Variants in OPA1 observed in about 807,000 individuals in gnomAD.
The protein encoded by OPA1 is dynamin-like GTPase OPA1, mitochondrial.
In OPA1, 59 loss-of-function variants were observed where a neutral mutation model predicts 152.9. The ratio of observed to expected loss-of-function variants is 0.39; its 90% CI spans 0.31 to 0.48. The LOEUF (loss-of-function observed/expected upper bound fraction) is 0.48. OPA1 is among the 20% of genes least tolerant of loss of function. The pLI, the probability that OPA1 is intolerant of heterozygous loss-of-function variation, is 0.96. For synonymous variants in OPA1, 400 were observed against 389.9 expected, an observed-to-expected ratio of 1.03 and a Z score of -0.31; for missense variants, 1,008 against 1,216.8, an observed-to-expected ratio of 0.83 and a Z score of 2.55.
chr3:193,648,657 T>A, intron 20 of OPA1, 138 bp from the exon 21 acceptor site: 1 of 634,048 alleles, frequency 1.6e-6, no homozygotes, highest in South Asian at 1.8e-5. Context: ...ACACTAGAAG[T>A]GCATTTTTGC....
intron 13 of OPA1, 115 bp downstream of exon 13, chr3:193,643,164 CT>C: frequency 1.1e-6 from 1 of 950,788 alleles, no homozygotes; most frequent in Non-Finnish European, 1.6e-6. Context: ...ATATGTAGAG[CT>C]TTTAAAAAAA....
Position 193,626,155 on chromosome 3 carries a change from A to G in OPA1, c.742A>G (p.Arg248Gly). Reference sequence around the variant, plus strand: ...TCAAGAGCATGAAGAGGAAGCGCGCAGAGCCGCTGGCCAATATAGCACGAG... The same window carrying G: ...TCAAGAGCATGAAGAGGAAGCGCGCGGAGCCGCTGGCCAATATAGCACGAG... Reference protein sequence around the residue: ...QIQEHEEEARRAAGQYSTSYA... With the variant: ...QIQEHEEEARGAAGQYSTSYA... The change falls in exon 7 of 31, where the codon AGA becomes GGA. Residue 248 changes from arginine (R) to glycine (G), a missense_variant. Around this residue, in one of 7 missense-constraint regions of OPA1, gnomAD observed 408 missense variants for 395.1 expected, o/e 1.03. Coordinates refer to ENST00000361510, the MANE Select transcript of OPA1 (RefSeq NM_130837.3). 2 of 1,614,170 alleles carry G rather than the reference A, an allele frequency of 1.2e-6. No homozygotes were observed. Among genetic ancestry groups the G allele is most frequent in the Non-Finnish European group, 1.7e-6 (2 of 1,179,990 alleles).
In OPA1 at chr3:193,654,957, C is replaced by G. The variant is rs755177892; in HGVS notation, c.2108C>G (p.Thr703Ser). Residue 703 changes from threonine (T) to serine (S), a missense_variant, in exon 22 of 31, where the codon ACT becomes AGT. By Grantham distance (58) the Thr-to-Ser change is moderately conservative. Transcript: ENST00000361510. The part of the protein sequence containing the change: ...LPAAQTMNSG[T>S]FNTTVDIKLK... Reference sequence around the variant, plus strand: ...GCTGCGCAGACCATGAATTCAGGAACTTTTAACACCACAGTGGATATCAAG... The same window carrying G: ...GCTGCGCAGACCATGAATTCAGGAAGTTTTAACACCACAGTGGATATCAAG... 1 of 1,613,818 alleles carries G rather than the reference C, an allele frequency of 6.2e-7. No homozygotes were observed. Among genetic ancestry groups the G allele is most frequent in the African/African-American group, 1.3e-5 (1 of 74,914 alleles).
chr3:193,682,484 C>T (rs1720309993), intron 29 of OPA1, among the ~76,000 whole-genome samples: 1 of 152,108 alleles, frequency 6.6e-6, no homozygotes, highest in Non-Finnish European at 1.5e-5. Flanking sequence ...GAAGACGATG[C>T]CATCTAGTAA....
rs1355003280 is a variant in OPA1 at position 193,659,120 on chromosome 3, A to C, written c.2440+125A>C. ...TCTTTGTCATTAATACTATAGTCGA[A>C]TATTATTTGTGGAATTTTTTTAGTC... On this transcript the variant is annotated intron_variant, in intron 24 of 30. Transcript: ENST00000361510. 4 of 758,860 alleles carry C rather than the reference A, an allele frequency of 5.3e-6. No homozygotes were observed. The South Asian group carries it at 6.2e-5, about 12-fold the overall frequency. 47.0% of individuals were successfully genotyped at this position (758,860 alleles called of 1,614,324 possible). A position where few individuals can be genotyped will look rare whatever the true frequency, so the allele number is the denominator to read the frequency against.
In OPA1 at chr3:193,598,075, C is replaced by A. The variant is rs147186385; in HGVS notation, c.32+4666C>A. On this transcript the variant is annotated intron_variant, in intron 1 of 30. Transcript: ENST00000361510. The stretch of plus-strand genomic sequence containing the variant: ...CACGTTGGGCAACAGAGCAAGACTT[C>A]GTCTCAAAAATAAATAAATACCCTG... Among the ~76,000 whole-genome samples, 692 of 152,130 alleles carry A rather than the reference C, an allele frequency of 4.5e-3. 3 individuals are homozygous for A. The highest frequency in any genetic ancestry group is 0.016 in the African/African-American group (662 of 41,518).
chr3:193,598,381 A>G (rs943126530), intron 1 of OPA1, among the ~76,000 whole-genome samples: 6 of 152,210 alleles, frequency 3.9e-5, no homozygotes, highest in African/African-American at 1.4e-4. Flanking sequence ...GGAGATTAGA[A>G]GAGCTCTTCT....
At chr3:193,657,373 G>T in intron 23 of OPA1, 141 bp downstream of exon 23, 1 of 801,662 alleles carries the variant, frequency 1.2e-6, no homozygotes, top group South Asian at 1.7e-5. Flanking sequence ...TTTATGATCT[G>T]TAATCTGCCC....
chr3:193,634,233 A>G (rs1202766887), intron 8 of OPA1, among the ~76,000 whole-genome samples: 2 of 151,954 alleles, frequency 1.3e-5, no homozygotes, highest in Non-Finnish European at 2.9e-5. Context: ...CAAATTAGAA[A>G]GGATCAAATT....
chr3:193,693,537 G>T (rs144024325), intron 30 of OPA1, among the ~76,000 whole-genome samples: 1 of 152,140 alleles, frequency 6.6e-6, no homozygotes, highest in African/African-American at 2.4e-5. Flanking sequence ...CTACTCGGGA[G>T]CCTGAGTCAG....
At chr3:193,641,620 T>A (rs1234641641) in intron 11 of OPA1, among the ~76,000 whole-genome samples, 1 of 152,240 alleles carries the variant, frequency 6.6e-6, no homozygotes, top group African/African-American at 2.4e-5. Context: ...TGCCCTGTGC[T>A]ACAAATCAGC....
In OPA1 at chr3:193,677,291, C is replaced by CTTTTTTTTTTTTTTTTTTTTTTTTTT. The variant is rs752472474; in HGVS notation, c.2983+10029_2983+10030insTTTTTTTTTTTTTTTTTTTTTTTTTT. On this transcript the variant is annotated intron_variant, in intron 29 of 30. Transcript: ENST00000361510. ...TGCACAATTTTTTTTTCTTTTACTT[C>CTTTTTTTTTTTTTTTTTTTTTTTTTT]TTTTTTTTTTTTTTTTTTCTTTAGA... is the stretch of plus-strand genomic sequence containing the variant. Among the ~76,000 whole-genome samples the CTTTTTTTTTTTTTTTTTTTTTTTTTT allele has an allele frequency of 1.6e-5, 2 of 125,450 alleles. 1 individual carries two copies. Among genetic ancestry groups the CTTTTTTTTTTTTTTTTTTTTTTTTTT allele is most frequent in the Non-Finnish European group, 3.3e-5 (2 of 60,492 alleles). The allele number at this position is 125,450 out of a possible 152,430, so 82.3% of individuals were successfully genotyped here.
chr3:193,615,823 A>G (rs1436992762), intron 3 of OPA1, 53 bp downstream of exon 3: 1 of 1,005,516 alleles, frequency 9.9e-7, no homozygotes, highest in Admixed American at 1.7e-5. Flanking sequence ...AGGAAAGAGA[A>G]ATAGTTTATT....
At chr3:193,675,472 C>T (rs1290734889) in intron 29 of OPA1, among the ~76,000 whole-genome samples, 1 of 152,096 alleles carries the variant, frequency 6.6e-6, no homozygotes, top group Non-Finnish European at 1.5e-5. Flanking sequence ...AACACCATTT[C>T]CTCTCTCCTG....
At chr3:193,691,900 A>G (rs923006584) in intron 29 of OPA1, 163 bp from the exon 30 acceptor site, 29 of 575,520 alleles carry the variant, frequency 5.0e-5, no homozygotes, top group African/African-American at 2.8e-4. Context: ...ACCTACTACT[A>G]TAATCCATCT....
intron 29 of OPA1, among the ~76,000 whole-genome samples, chr3:193,673,372 G>T (rs1021948703): frequency 6.6e-6 from 1 of 152,146 alleles, no homozygotes; most frequent in African/African-American, 2.4e-5. Context: ...CTTTCAAATT[G>T]TATGAGAACT....
chr3:193,593,992 A>G (rs1038887141), intron 1 of OPA1, among the ~76,000 whole-genome samples: 19 of 152,088 alleles, frequency 1.2e-4, no homozygotes, highest in African/African-American at 4.6e-4. Context: ...CCCTTTCAAT[A>G]GCAGCTTTTT....
At chr3:193,684,647 C>T (rs1720684639) in intron 29 of OPA1, among the ~76,000 whole-genome samples, 1 of 151,826 alleles carries the variant, frequency 6.6e-6, no homozygotes, top group Non-Finnish European at 1.5e-5. Flanking sequence ...GATGGGTTTT[C>T]GCCATGTTGG....
chr3:193,683,536 T>G (rs185222649), intron 29 of OPA1, among the ~76,000 whole-genome samples: 36 of 152,258 alleles, frequency 2.4e-4, no homozygotes, highest in Admixed American at 3.9e-4. Context: ...CACATCCTAC[T>G]GTGAAATCTT....
Sources: allele counts gnomAD v4.1 joint callset (sites outside exome capture counted in the v4.1 genomes callset), GRCh38; gene constraint gnomAD v4.1.1; regional missense constraint gnomAD v4.1.1; transcripts MANE v1.5; gene names NCBI Gene and HGNC (gene_info 2026-07-23, HGNC 2026-07-21).